Variants in PDE1C observed in about 807,000 individuals in gnomAD.
PDE1C encodes the protein dual specificity calcium/calmodulin-dependent 3',5'-cyclic nucleotide phosphodiesterase 1C.
A neutral mutation model predicts 93.1 loss-of-function variants in PDE1C; 62 were observed. The observed-to-expected ratio is 0.67, with a 90% CI of 0.54 to 0.82. PDE1C has a LOEUF of 0.82. PDE1C is among the 40% of genes least tolerant of loss of function. The probability of loss-of-function intolerance (pLI) is 0.00; values close to 1 mark genes in which losing one functional copy is unlikely to be tolerated. For missense variants in PDE1C, 742 were observed against 884.6 expected, an observed-to-expected ratio of 0.84 and a Z score of 2.04; for synonymous variants, 325 against 310.1, an observed-to-expected ratio of 1.05 and a Z score of -0.50.
chr7:31,835,849 GCA>G (rs369911922), intron 11 of PDE1C, among the ~76,000 whole-genome samples: 1 of 150,580 alleles, frequency 6.6e-6, no homozygotes. Context: ...ACACACACAG[GCA>G]CACACACACA....
chr7:32,374,307 G>GAAAGA (rs1254001446), intron 1 of PDE1C, among the ~76,000 whole-genome samples: 7 of 144,326 alleles, frequency 4.9e-5, no homozygotes, highest in South Asian at 2.2e-4. Flanking sequence ...AAGAAAGAAA[G>GAAAGA]AAGAAAAGAA....
chr7:31,925,867 G>A (rs1439862690), intron 2 of PDE1C, among the ~76,000 whole-genome samples: 1 of 151,788 alleles, frequency 6.6e-6, no homozygotes, highest in Non-Finnish European at 1.5e-5. Flanking sequence ...AAATAATTAG[G>A]GGTTTGGCAA....
chr7:32,110,725 G>A (rs1047430161), intron 3 of PDE1C, among the ~76,000 whole-genome samples: 2 of 152,144 alleles, frequency 1.3e-5, no homozygotes, highest in African/African-American at 4.8e-5. Flanking sequence ...AATTGCCTGA[G>A]AAGAAACTAC....
intron 1 of PDE1C, among the ~76,000 whole-genome samples, chr7:32,334,365 T>C (rs909223710): frequency 1.3e-5 from 2 of 152,202 alleles, no homozygotes; most frequent in Admixed American, 6.5e-5. Flanking sequence ...GATTAGAAAA[T>C]TGACTTCTTT....
At chr7:32,111,958 TGA>T (rs1426224757) in intron 3 of PDE1C, among the ~76,000 whole-genome samples, 1 of 152,176 alleles carries the variant, frequency 6.6e-6, no homozygotes, top group African/African-American at 2.4e-5. Context: ...TCACACAAAG[TGA>T]GAGTTACTTA....
At chr7:32,068,462 A>C (rs1259517148) in intron 1 of PDE1C, among the ~76,000 whole-genome samples, 4 of 152,230 alleles carry the variant, frequency 2.6e-5, no homozygotes. Flanking sequence ...AATAATAACA[A>C]ATAATAGCAT....
chr7:31,664,868 C>G, the PDE1C span, among the ~76,000 whole-genome samples: 1 of 152,192 alleles, frequency 6.6e-6, no homozygotes, highest in Admixed American at 6.5e-5. Context: ...TAATAGTTAA[C>G]TCATTCTTTC....
At chr7:31,744,291 C>A in the PDE1C span, among the ~76,000 whole-genome samples, 46 of 152,078 alleles carry the variant, frequency 3.0e-4, no homozygotes, top group African/African-American at 1.1e-3. Flanking sequence ...TACACCTAAA[C>A]AATATGAGTT....
chr7:31,930,124 C>G (rs1262716993), intron 2 of PDE1C, among the ~76,000 whole-genome samples: 1 of 152,180 alleles, frequency 6.6e-6, no homozygotes, highest in Non-Finnish European at 1.5e-5. Context: ...TTAGAGAATA[C>G]TATAAACACC....
chr7:32,021,669 T>C (rs991384903), intron 2 of PDE1C, among the ~76,000 whole-genome samples: 2 of 152,132 alleles, frequency 1.3e-5, no homozygotes, highest in African/African-American at 2.4e-5. Flanking sequence ...TTTCAATACA[T>C]TATTTGAATT....
rs1794138862 is a variant in PDE1C at position 31,751,530 on chromosome 7, T to C, written c.*1854A>G. The C allele has an allele frequency of 6.6e-6, 1 of 152,158 alleles. No individual in the cohort carries two copies. The highest frequency in any genetic ancestry group is 1.5e-5 in the Non-Finnish European group (1 of 68,040). 9.4% of individuals were successfully genotyped at this position (152,158 alleles called of 1,614,324 possible). The stretch of plus-strand genomic sequence containing the variant: ...TCCTCAGTGTGTAGCCAAATGACTT[T>C]GTACAGCAAGCGCTAAAGCATCTGT... On this transcript the variant is annotated 3_prime_UTR_variant, in exon 18 of 18. Transcript: ENST00000396191.
chr7:31,774,823 A>C (rs965917069), intron 17 of PDE1C, among the ~76,000 whole-genome samples: 1 of 152,220 alleles, frequency 6.6e-6, no homozygotes, highest in Admixed American at 6.5e-5. Context: ...GACAGGAAGG[A>C]GAGGTAATCT....
chr7:31,979,766 T>G (rs1051604642), intron 2 of PDE1C, among the ~76,000 whole-genome samples: 1 of 152,236 alleles, frequency 6.6e-6, no homozygotes, highest in Non-Finnish European at 1.5e-5. Context: ...TTTTTTATCT[T>G]AAGCACTAGC....
At chr7:31,628,239 C>A in the PDE1C span, among the ~76,000 whole-genome samples, 339 of 152,228 alleles carry the variant, frequency 2.2e-3, no homozygotes, top group African/African-American at 7.8e-3. Context: ...CTACCGGTGC[C>A]TCCCATTGAT....
the PDE1C span, among the ~76,000 whole-genome samples, chr7:31,675,114 G>A: frequency 1.3e-5 from 2 of 152,204 alleles, no homozygotes; most frequent in East Asian, 1.9e-4. Flanking sequence ...TGCACTGGCA[G>A]CAGTAGCTGG....
At chr7:32,067,132 T>TAG (rs150852286) in intron 1 of PDE1C, among the ~76,000 whole-genome samples, 11,197 of 152,230 alleles carry the variant, frequency 0.074, 440 homozygotes, top group African/African-American at 0.091. Flanking sequence ...CCAGCTAAGA[T>TAG]AGAGTGTTTA....
the PDE1C span, among the ~76,000 whole-genome samples, chr7:31,696,341 A>C: frequency 8.7e-6 from 1 of 115,596 alleles, no homozygotes; most frequent in Non-Finnish European, 1.9e-5. Flanking sequence ...TCTAAGAAAT[A>C]ACAACAGCAC....
intron 2 of PDE1C, among the ~76,000 whole-genome samples, chr7:32,197,799 T>C (rs1804723991): frequency 6.6e-6 from 1 of 152,176 alleles, no homozygotes; most frequent in African/African-American, 2.4e-5. Context: ...ACTGTGGGTA[T>C]GGATCTCAGA....
At chr7:31,805,241 G>C (rs1015964587) in intron 16 of PDE1C, among the ~76,000 whole-genome samples, 11 of 151,404 alleles carry the variant, frequency 7.3e-5, no homozygotes, top group Non-Finnish European at 1.5e-4. Context: ...TTTATTAGCG[G>C]CCTGAGGACA....
Sources: allele counts gnomAD v4.1 joint callset (sites outside exome capture counted in the v4.1 genomes callset), GRCh38; gene constraint gnomAD v4.1.1; transcripts MANE v1.5; gene names NCBI Gene and HGNC (gene_info 2026-07-23, HGNC 2026-07-21).